The following LINGO2 variants were observed in gnomAD, a reference collection of about 807,000 sequenced individuals.
The protein encoded by LINGO2 is leucine rich repeat and Ig domain containing 2.
In LINGO2, 14 loss-of-function variants were observed where a neutral mutation model predicts 30.6. That is an observed-to-expected ratio of 0.46 (90% CI 0.30 to 0.72). The LOEUF is 0.72. Among genes scored for constraint, LINGO2 ranks in the 30% least tolerant of loss-of-function variants. The probability of loss-of-function intolerance (pLI) is 0.07; values close to 1 mark genes in which losing one functional copy is unlikely to be tolerated. For synonymous variants in LINGO2, 317 were observed against 288.5 expected (o/e 1.10, Z -1.00); for missense variants, 729 against 751.7 (o/e 0.97, Z 0.35).
the LINGO2 span, among the ~76,000 whole-genome samples, chr9:29,120,831 T>C: frequency 6.6e-6 from 1 of 152,202 alleles, no homozygotes; most frequent in African/African-American, 2.4e-5. Context: ...TAAAATAAAG[T>C]TCATTAGTAG....
the LINGO2 span, among the ~76,000 whole-genome samples, chr9:28,900,600 G>C: frequency 6.6e-6 from 1 of 152,168 alleles, no homozygotes; most frequent in Non-Finnish European, 1.5e-5. Context: ...CAGCCTGCCT[G>C]ATGACTCCAG....
the LINGO2 span, among the ~76,000 whole-genome samples, chr9:28,897,777 T>A: frequency 6.6e-6 from 1 of 152,176 alleles, no homozygotes; most frequent in Non-Finnish European, 1.5e-5. Context: ...ACTTAAAATG[T>A]TAGCTACTTT....
the LINGO2 span, among the ~76,000 whole-genome samples, chr9:28,848,502 T>C: frequency 6.9e-6 from 1 of 145,526 alleles, no homozygotes; most frequent in Non-Finnish European, 1.5e-5. Flanking sequence ...ATGTGTATCA[T>C]TCAACCAAAA....
Position 28,602,065 on chromosome 9 carries a change from A to G in LINGO2, c.-365+68135T>C, listed in dbSNP as rs527802460. On this transcript the variant is annotated intron_variant, in intron 1 of 5. Transcript: ENST00000379992. ...GAAGTGCTCCCTGGAGAAATGAGCA[A>G]GGGAGTGGGGAGGCACAACAAGGAG... 5.3e-5 allele frequency among the ~76,000 whole-genome samples: 8 copies of G among 152,208 alleles called. 1 individual carries two copies. The highest frequency in any genetic ancestry group is 7.4e-5 in the Non-Finnish European group (5 of 67,964).
At chr9:28,739,028 T>C in the LINGO2 span, among the ~76,000 whole-genome samples, 5 of 152,012 alleles carry the variant, frequency 3.3e-5, no homozygotes, top group Admixed American at 1.3e-4. Context: ...TTCTAGGTTC[T>C]AATTGAGTAG....
At chr9:28,684,488 CT>C in the LINGO2 span, among the ~76,000 whole-genome samples, 618 of 130,902 alleles carry the variant, frequency 4.7e-3, 3 homozygotes, top group African/African-American at 0.013. Context: ...CGCGCCCAGC[CT>C]TTTTTTTTTT....
At chr9:28,056,081 T>TC (rs1364542314) in intron 4 of LINGO2, among the ~76,000 whole-genome samples, 1 of 152,134 alleles carries the variant, frequency 6.6e-6, no homozygotes, top group Non-Finnish European at 1.5e-5. Context: ...AGAAAGGAGC[T>TC]CCCCGCTTTC....
At chr9:28,485,239 C>T (rs1192085512) in intron 1 of LINGO2, among the ~76,000 whole-genome samples, 1 of 152,062 alleles carries the variant, frequency 6.6e-6, no homozygotes, top group Non-Finnish European at 1.5e-5. Context: ...GCAGTTCCTC[C>T]AGTCTTCCTA....
the LINGO2 span, among the ~76,000 whole-genome samples, chr9:28,891,330 C>G: frequency 1.3e-5 from 2 of 151,856 alleles, no homozygotes; most frequent in Admixed American, 6.6e-5. Flanking sequence ...CTAGTAGTAC[C>G]TATCTCATAG....
the LINGO2 span, among the ~76,000 whole-genome samples, chr9:29,035,287 T>A: frequency 6.6e-6 from 1 of 152,188 alleles, no homozygotes; most frequent in East Asian, 2.0e-4. Context: ...TGTGGTCATT[T>A]ATCTTATTTA....
intron 3 of LINGO2, among the ~76,000 whole-genome samples, chr9:28,310,832 A>T (rs1008800741): frequency 6.6e-6 from 1 of 152,212 alleles, no homozygotes; most frequent in Non-Finnish European, 1.5e-5. Flanking sequence ...GTAGTAATTT[A>T]TTAAGAAACA....
the LINGO2 span, among the ~76,000 whole-genome samples, chr9:29,087,034 C>A: frequency 6.6e-6 from 1 of 152,026 alleles, no homozygotes; most frequent in Non-Finnish European, 1.5e-5. Flanking sequence ...TGCCACCACA[C>A]CCCATTAATT....
At chr9:28,610,696 C>A (rs1371119085) in intron 1 of LINGO2, among the ~76,000 whole-genome samples, 1 of 152,082 alleles carries the variant, frequency 6.6e-6, no homozygotes, top group East Asian at 1.9e-4. Flanking sequence ...AAATTAATTT[C>A]TATCATTTAT....
the LINGO2 span, among the ~76,000 whole-genome samples, chr9:28,987,125 T>C: frequency 1.3e-5 from 2 of 150,696 alleles, no homozygotes; most frequent in East Asian, 2.0e-4. Context: ...ATATGATTTC[T>C]ATACCTAAGA....
the LINGO2 span, among the ~76,000 whole-genome samples, chr9:29,087,694 G>C: frequency 6.6e-6 from 1 of 151,856 alleles, no homozygotes; most frequent in Admixed American, 6.6e-5. Flanking sequence ...TCTTCTGTTT[G>C]TAATTCATAT....
At chr9:28,207,921 C>T (rs1353258238) in intron 4 of LINGO2, among the ~76,000 whole-genome samples, 3 of 151,868 alleles carry the variant, frequency 2.0e-5, no homozygotes, top group African/African-American at 7.3e-5. Context: ...GTATGCCTCA[C>T]AGAGACCAGG....
chr9:28,724,475 C>T, the LINGO2 span, among the ~76,000 whole-genome samples: 67 of 152,244 alleles, frequency 4.4e-4, 1 homozygote, highest in East Asian at 0.012. Flanking sequence ...CAAGACAAAC[C>T]TCTGAACTGT....
chr9:28,728,656 C>G, the LINGO2 span, among the ~76,000 whole-genome samples: 2 of 151,816 alleles, frequency 1.3e-5, no homozygotes, highest in African/African-American at 4.8e-5. Flanking sequence ...CTCCCCTAAA[C>G]CCACCACCCA....
the LINGO2 span, among the ~76,000 whole-genome samples, chr9:29,188,833 A>AC: frequency 5.8e-3 from 558 of 95,930 alleles, 14 homozygotes; most frequent in Middle Eastern, 0.017. Context: ...CCGGGGGCTG[A>AC]CCCCCCCGCC....
Sources: allele counts gnomAD v4.1 joint callset (sites outside exome capture counted in the v4.1 genomes callset), GRCh38; gene constraint gnomAD v4.1.1; transcripts MANE v1.5; gene names NCBI Gene and HGNC (gene_info 2026-07-23, HGNC 2026-07-21).